The following CNTN4 variants were observed in gnomAD, a reference collection of about 807,000 sequenced individuals.
The protein encoded by CNTN4 is contactin 4.
A neutral mutation model predicts 122.5 loss-of-function variants in CNTN4; 77 were observed. The ratio of observed to expected loss-of-function variants is 0.63; its 90% confidence interval spans 0.52 to 0.76. The LOEUF (loss-of-function observed/expected upper bound fraction) is 0.76. Among genes scored for constraint, CNTN4 ranks in the 30% least tolerant of loss-of-function variants. The pLI is 0.00. For synonymous variants in CNTN4, 512 were observed against 447.0 expected, an observed-to-expected ratio of 1.15 and a Z score of -1.83; for missense variants, 1,256 against 1,259.1, an observed-to-expected ratio of 1.00 and a Z score of 0.04.
intron 2 of CNTN4, among the ~76,000 whole-genome samples, chr3:2,150,229 A>G (rs550904572): frequency 3.3e-4 from 50 of 152,254 alleles, no homozygotes; most frequent in Middle Eastern, 3.4e-3. Context: ...TAATATAGGG[A>G]TAGATCATTT....
intron 6 of CNTN4, among the ~76,000 whole-genome samples, chr3:2,795,672 G>C (rs2092152383): frequency 6.6e-6 from 1 of 151,882 alleles, no homozygotes; most frequent in African/African-American, 2.4e-5. Flanking sequence ...AGGCGCCCAA[G>C]ACCACGCTCA....
chr3:2,104,444 C>G (rs146285662), intron 2 of CNTN4, among the ~76,000 whole-genome samples: 1 of 152,140 alleles, frequency 6.6e-6, no homozygotes, highest in Non-Finnish European at 1.5e-5. Flanking sequence ...GTTCAGTACT[C>G]ATAGAATAGA....
At chr3:2,535,650 A>C (rs1323114670) in intron 3 of CNTN4, among the ~76,000 whole-genome samples, 2 of 152,086 alleles carry the variant, frequency 1.3e-5, no homozygotes, top group Non-Finnish European at 2.9e-5. Context: ...ATCTATTCCT[A>C]AGTGCTAAGA....
Position 2,627,780 on chromosome 3 carries a change from A to T in CNTN4, c.55+56222A>T, listed in dbSNP as rs1035670182. ...AGTGCTGGGATTACAGGCGTGAGCC[A>T]CCGTGCCTGGCCAACTGTCATTTTT... On this transcript the variant is annotated intron_variant, in intron 4 of 24. Coordinates refer to ENST00000418658, the MANE Select transcript of CNTN4 (RefSeq NM_175607.3). Among the ~76,000 whole-genome samples, 9 of 152,188 alleles carry T rather than the reference A, an allele frequency of 5.9e-5. No homozygotes were observed. In the South Asian group the frequency reaches 8.3e-4, roughly 14 times the overall value.
intron 7 of CNTN4, among the ~76,000 whole-genome samples, chr3:2,857,022 C>G (rs765873776): frequency 1.1e-4 from 16 of 152,130 alleles, no homozygotes; most frequent in Non-Finnish European, 2.1e-4. Flanking sequence ...AGGCCAGTGA[C>G]AGATGACGGT....
chr3:2,432,548 C>T (rs994302333), intron 3 of CNTN4, among the ~76,000 whole-genome samples: 2 of 151,794 alleles, frequency 1.3e-5, no homozygotes, highest in African/African-American at 4.8e-5. Flanking sequence ...AGCATTTCTC[C>T]CCCTTTTTAA....
At chr3:2,224,546 A>C (rs2039192891) in intron 2 of CNTN4, among the ~76,000 whole-genome samples, 1 of 152,066 alleles carries the variant, frequency 6.6e-6, no homozygotes, top group Admixed American at 6.5e-5. Context: ...GTTGTCATAT[A>C]TTTTTGCCAT....
intron 3 of CNTN4, among the ~76,000 whole-genome samples, chr3:2,480,877 G>A (rs2075970715): frequency 6.6e-6 from 1 of 152,196 alleles, no homozygotes; most frequent in Non-Finnish European, 1.5e-5. Context: ...TCAAGACAGT[G>A]TGGTATTGTT....
At chr3:2,529,340 A>G (rs1211938784) in intron 3 of CNTN4, among the ~76,000 whole-genome samples, 1 of 152,102 alleles carries the variant, frequency 6.6e-6, no homozygotes, top group African/African-American at 2.4e-5. Context: ...TATTTTCTTC[A>G]TCCATTCATC....
chr3:2,855,056 C>G (rs1039792671), intron 7 of CNTN4, among the ~76,000 whole-genome samples: 1 of 152,196 alleles, frequency 6.6e-6, no homozygotes, highest in Non-Finnish European at 1.5e-5. Context: ...ACTGATATTT[C>G]AGGATTTAAC....
At chr3:2,426,080 C>T (rs1388741124) in intron 3 of CNTN4, among the ~76,000 whole-genome samples, 4 of 151,996 alleles carry the variant, frequency 2.6e-5, no homozygotes, top group Admixed American at 2.0e-4. Flanking sequence ...GCCTGATTGC[C>T]CTGGCCAGAA....
chr3:2,925,961 TG>T (rs1054829283), intron 13 of CNTN4, among the ~76,000 whole-genome samples, 182 bp downstream of exon 13: 6 of 152,334 alleles, frequency 3.9e-5, no homozygotes, highest in Non-Finnish European at 5.9e-5. Context: ...CTTCTGGATT[TG>T]GGAATTCTAC....
At chr3:2,231,455 C>T (rs78249777) in intron 2 of CNTN4, among the ~76,000 whole-genome samples, 4,400 of 152,282 alleles carry the variant, frequency 0.029, 209 homozygotes, top group African/African-American at 0.1. Flanking sequence ...ACCTAACTGG[C>T]TATTCATCTC....
chr3:2,725,157 A>C (rs1217338430), intron 4 of CNTN4, among the ~76,000 whole-genome samples: 1 of 152,178 alleles, frequency 6.6e-6, no homozygotes, highest in Non-Finnish European at 1.5e-5. Context: ...AGAGCCATGC[A>C]AGTGCTCTTT....
intron 8 of CNTN4, among the ~76,000 whole-genome samples, chr3:2,873,815 A>T (rs2093813577): frequency 6.6e-6 from 1 of 152,224 alleles, no homozygotes; most frequent in South Asian, 2.1e-4. Flanking sequence ...CCTGGCATTT[A>T]GACAGGCAAC....
intron 8 of CNTN4, among the ~76,000 whole-genome samples, chr3:2,873,668 T>A (rs192976418): frequency 1.8e-3 from 279 of 152,338 alleles, no homozygotes; most frequent in African/African-American, 4.8e-3. Flanking sequence ...CAACTGGGCA[T>A]CAACAGCCAC....
chr3:2,523,056 A>G (rs2077276429), intron 3 of CNTN4, among the ~76,000 whole-genome samples: 1 of 152,082 alleles, frequency 6.6e-6, no homozygotes, highest in Non-Finnish European at 1.5e-5. Context: ...AGTTATTTAA[A>G]GATATGTGAA....
chr3:2,309,251 G>T (rs2042828116), intron 2 of CNTN4, among the ~76,000 whole-genome samples: 1 of 152,188 alleles, frequency 6.6e-6, no homozygotes, highest in Middle Eastern at 3.4e-3. Context: ...AAGTATTGAA[G>T]TGTGATATTA....
chr3:2,990,206 G>A (rs537950289), intron 14 of CNTN4, among the ~76,000 whole-genome samples: 1 of 152,324 alleles, frequency 6.6e-6, no homozygotes, highest in South Asian at 2.1e-4. Context: ...TCTGATGACT[G>A]TGGTAATCCA....
Sources: gnomAD v4.1 joint callset for allele counts (sites outside exome capture counted in the v4.1 genomes callset) on GRCh38, gnomAD v4.1.1 for gene constraint, MANE v1.5 for transcripts, NCBI Gene and HGNC (gene_info 2026-07-23, HGNC 2026-07-21) for gene names.